GATAD2A: variants seen among roughly 807,000 people sequenced by gnomAD.
GATAD2A encodes the protein GATA zinc finger domain containing 2A.
In GATAD2A, 12 loss-of-function variants were observed where a neutral mutation model predicts 68.5. The ratio of observed to expected loss-of-function variants is 0.18; its 90% CI spans 0.11 to 0.28. The LOEUF (loss-of-function observed/expected upper bound fraction) is 0.28, where lower values mean the gene tolerates loss of function less well. Ranked by LOEUF, GATAD2A falls within the 10% of genes least tolerant of loss-of-function variation. The probability of loss-of-function intolerance (pLI) is 1.00; values close to 1 mark genes in which losing one functional copy is unlikely to be tolerated. For synonymous variants in GATAD2A, 410 were observed against 375.3 expected, an observed-to-expected ratio of 1.09 and a Z score of -1.07; for missense variants, 755 against 868.5, an observed-to-expected ratio of 0.87 and a Z score of 1.64.
At chr19:19,491,511 G>T (rs1485433853) in intron 2 of GATAD2A, among the ~76,000 whole-genome samples, 1 of 152,218 alleles carries the variant, frequency 6.6e-6, no homozygotes, top group Non-Finnish European at 1.5e-5. Context: ...GGGCAGCAGG[G>T]TAACAGGCAG....
chr19:19,401,791 A>C (rs531711158), upstream of GATAD2A, among the ~76,000 whole-genome samples: 1 of 151,916 alleles, frequency 6.6e-6, no homozygotes, highest in South Asian at 2.1e-4. Context: ...AGGTGATGCT[A>C]CTCTTTTTCA....
Position 19,438,127 on chromosome 19 carries a change from G to A in GATAD2A, c.-6-27213G>A, listed in dbSNP as rs542242033. Among the ~76,000 whole-genome samples, 7 of 152,324 alleles carry A rather than the reference G, an allele frequency of 4.6e-5. No homozygotes were observed. In the East Asian group the frequency reaches 9.6e-4, roughly 21 times the overall value. On this transcript the variant is annotated intron_variant, in intron 1 of 11. Coordinates refer to ENST00000683918, the MANE Select transcript of GATAD2A (RefSeq NM_001384528.1). ...TCCTACAGAGAGTTGAGACTTGTCA[G>A]AGCCTATTACCTGGTGCTGTTGTGC...
chr19:19,460,720 C>T (rs1381949694), intron 1 of GATAD2A, among the ~76,000 whole-genome samples: 1 of 152,228 alleles, frequency 6.6e-6, no homozygotes, highest in Non-Finnish European at 1.5e-5. Context: ...AAGCAACCCC[C>T]TCCGGAGTGC....
chr19:19,417,250 CA>C (rs2051760547), intron 1 of GATAD2A, among the ~76,000 whole-genome samples: 1 of 152,134 alleles, frequency 6.6e-6, no homozygotes, highest in Non-Finnish European at 1.5e-5. Context: ...GGATGAGTGA[CA>C]GGGGTGCAGA....
At position 19,496,172 on chromosome 19, in the gene GATAD2A, C is replaced by T. The variant is rs374965734; in HGVS notation, c.877C>T (p.Arg293Cys). 16 of 1,613,692 alleles carry T rather than the reference C, an allele frequency of 9.9e-6. No homozygotes were observed. The highest frequency in any genetic ancestry group is 5.3e-5 in the African/African-American group (4 of 74,946). Residue 293 changes from arginine (R) to cysteine (C), a missense_variant, in exon 7 of 12, where the codon CGC becomes TGC. Transcript: ENST00000683918. Reference protein sequence around the residue: ...GQRIIQQGLIRVANVPNTSLL... With the variant: ...GQRIIQQGLICVANVPNTSLL... The stretch of plus-strand genomic sequence containing the variant: ...GAGGATCATCCAGCAGGGCCTCATC[C>T]GCGTCGCCAATGTTCCCAACACCAG...
In GATAD2A at chr19:19,508,324, ACT is replaced by A. The variant is rs2060953165; in HGVS notation, c.*2853_*2854del. The A allele has an allele frequency of 6.6e-6, 1 of 152,212 alleles. No individual in the cohort carries two copies. Among genetic ancestry groups the A allele is most frequent in the Non-Finnish European group, 1.5e-5 (1 of 68,128 alleles). The allele number at this position is 152,212 out of a possible 1,614,324, so 9.4% of individuals were successfully genotyped here. On this transcript the variant is annotated 3_prime_UTR_variant, in exon 12 of 12. Coordinates refer to ENST00000683918, the MANE Select transcript of GATAD2A (RefSeq NM_001384528.1). The stretch of plus-strand genomic sequence containing the variant: ...TGGCCGTCCTGACCTCATCCCAGGA[ACT>A]CTACGGTGACCAGGAACCACCCCTC...
chr19:19,478,253 A>G (rs2058807546), intron 2 of GATAD2A, among the ~76,000 whole-genome samples: 1 of 152,190 alleles, frequency 6.6e-6, no homozygotes, highest in Non-Finnish European at 1.5e-5. Flanking sequence ...TGTGGGCCCC[A>G]GACAGCAGTT....
chr19:19,486,151 G>T (rs984324708), intron 2 of GATAD2A, among the ~76,000 whole-genome samples: 20 of 152,320 alleles, frequency 1.3e-4, no homozygotes, highest in African/African-American at 4.3e-4. Flanking sequence ...GAATGTTCAG[G>T]TGTCACATTT....
At chr19:19,497,534 G>A (rs1292113707) in intron 7 of GATAD2A, among the ~76,000 whole-genome samples, 1 of 152,206 alleles carries the variant, frequency 6.6e-6, no homozygotes, top group Non-Finnish European at 1.5e-5. Context: ...GGAACTGGCT[G>A]GTCAGAGGTG....
rs760839527 is a variant in GATAD2A at position 19,501,386 on chromosome 19, C to T, written c.1473C>T (p.Pro491=). The stretch of plus-strand genomic sequence containing the variant: ...CCCCTGCACAGGCCAAGGCCGAGCC[C>T]ACCGCTGCCCCACACCCCGTGCTGA... ...GTAPAQAKAE[P]TAAPHPVLKQ... The change falls in exon 9 of 12, where the codon CCC becomes CCT. Residue 491 remains proline, a synonymous_variant. Coordinates refer to ENST00000683918, the MANE Select transcript of GATAD2A (RefSeq NM_001384528.1). 1.2e-5 allele frequency: 20 copies of T among 1,605,692 alleles called. No homozygotes were observed. In the Admixed American group the frequency reaches 3.4e-4, roughly 27 times the overall value.
At chr19:19,492,798 G>C in intron 4 of GATAD2A, 86 bp downstream of exon 4, 1 of 1,393,852 alleles carries the variant, frequency 7.2e-7, no homozygotes, top group Non-Finnish European at 1.0e-6. Flanking sequence ...CGGCCAGAAA[G>C]GTGAAAGGGC....
chr19:19,475,778 AC>A (rs2058638998), intron 2 of GATAD2A, among the ~76,000 whole-genome samples: 2 of 151,628 alleles, frequency 1.3e-5, no homozygotes, highest in Admixed American at 1.3e-4. Flanking sequence ...TCTCTATGTC[AC>A]CCCTTTCCTG....
chr19:19,479,681 C>G (rs1159864424), intron 2 of GATAD2A, among the ~76,000 whole-genome samples: 3 of 152,154 alleles, frequency 2.0e-5, no homozygotes, highest in Non-Finnish European at 2.9e-5. Context: ...CACATCATAT[C>G]AAAGGTACTG....
chr19:19,454,666 G>C (rs1411633045), intron 1 of GATAD2A, among the ~76,000 whole-genome samples: 1 of 151,630 alleles, frequency 6.6e-6, no homozygotes, highest in Non-Finnish European at 1.5e-5. Flanking sequence ...GAATTCCTAG[G>C]CTGTAGTGAT....
intron 1 of GATAD2A, among the ~76,000 whole-genome samples, chr19:19,408,147 C>T (rs554100768): frequency 4.6e-5 from 7 of 152,208 alleles, no homozygotes; most frequent in African/African-American, 1.7e-4. Flanking sequence ...CTACCATGCC[C>T]GGCTAAGTTT....
intron 2 of GATAD2A, among the ~76,000 whole-genome samples, chr19:19,480,713 G>A (rs1047225088): frequency 2.0e-5 from 3 of 152,222 alleles, no homozygotes; most frequent in East Asian, 1.9e-4. Context: ...TGGGCCAGTC[G>A]CCCCAACACC....
intron 2 of GATAD2A, among the ~76,000 whole-genome samples, chr19:19,490,456 G>A (rs931200239): frequency 3.3e-5 from 5 of 152,092 alleles, no homozygotes; most frequent in Admixed American, 1.3e-4. Context: ...CAACCCTGCC[G>A]GGGTCTAATT....
chr19:19,451,374 T>C (rs968621386), intron 1 of GATAD2A, among the ~76,000 whole-genome samples: 3 of 152,142 alleles, frequency 2.0e-5, no homozygotes, highest in East Asian at 3.9e-4. Context: ...CCAGGTGGGC[T>C]GTGAATTAGA....
chr19:19,417,487 C>T (rs1402335163), intron 1 of GATAD2A, among the ~76,000 whole-genome samples: 1 of 152,172 alleles, frequency 6.6e-6, no homozygotes, highest in Admixed American at 6.6e-5. Flanking sequence ...AGGGGTTCCT[C>T]TGCACGCTGC....
Sources: allele counts gnomAD v4.1 joint callset (sites outside exome capture counted in the v4.1 genomes callset), GRCh38; gene constraint gnomAD v4.1.1; transcripts MANE v1.5; gene names NCBI Gene and HGNC (gene_info 2026-07-23, HGNC 2026-07-21).